The following PLD1 variants were observed in gnomAD, a reference collection of about 807,000 sequenced individuals.
PLD1 encodes choline phosphatase 1.
A neutral mutation model predicts 137.1 loss-of-function variants in PLD1; 112 were observed. That is an observed-to-expected ratio of 0.82 (90% CI 0.70 to 0.96). PLD1 has a LOEUF of 0.96. Ranked by LOEUF, PLD1 falls within the 40% of genes least tolerant of loss-of-function variation. The pLI is 0.00. For missense variants in PLD1, 1,321 were observed against 1,342.0 expected (o/e 0.98, Z 0.24); for synonymous variants, 431 against 454.7 (o/e 0.95, Z 0.66).
chr3:171,693,786 TA>T (rs553414685), intron 12 of PLD1, among the ~76,000 whole-genome samples: 151 of 152,246 alleles, frequency 9.9e-4, no homozygotes, highest in African/African-American at 3.3e-3. Context: ...TAAACCATAA[TA>T]AAAAATAATT....
intron 1 of PLD1, among the ~76,000 whole-genome samples, chr3:171,788,315 A>C (rs1274848663): frequency 7.2e-6 from 1 of 138,042 alleles, no homozygotes; most frequent in Non-Finnish European, 1.5e-5. Context: ...AACTGATGAG[A>C]TGAATGACAG....
At chr3:171,804,852 G>A (rs141369880) in intron 1 of PLD1, among the ~76,000 whole-genome samples, 302 of 152,352 alleles carry the variant, frequency 2.0e-3, no homozygotes, top group African/African-American at 5.2e-3. Context: ...TGAGATGCAA[G>A]GCTTTTTGTA....
intron 1 of PLD1, among the ~76,000 whole-genome samples, chr3:171,759,302 T>G (rs1721238111): frequency 6.6e-6 from 1 of 152,198 alleles, no homozygotes; most frequent in Non-Finnish European, 1.5e-5. Flanking sequence ...TAACTCCACC[T>G]ATAAAAGTCA....
chr3:171,805,393 C>A (rs1036796593), intron 1 of PLD1, among the ~76,000 whole-genome samples: 1 of 152,200 alleles, frequency 6.6e-6, no homozygotes, highest in African/African-American at 2.4e-5. Flanking sequence ...CCTTATTTAG[C>A]AGATTAGCTC....
chr3:171,664,966 T>C (rs535071322), intron 19 of PLD1, among the ~76,000 whole-genome samples: 2 of 152,344 alleles, frequency 1.3e-5, no homozygotes, highest in Admixed American at 6.5e-5. Context: ...ATATACAGTA[T>C]GTCCACCTCT....
At chr3:171,621,552 A>C (rs997578930) in intron 23 of PLD1, among the ~76,000 whole-genome samples, 1 of 152,102 alleles carries the variant, frequency 6.6e-6, no homozygotes, top group African/African-American at 2.4e-5. Flanking sequence ...GTTTCTATTA[A>C]GTTTGGGTAT....
At chr3:171,801,454 A>C (rs150473543) in intron 1 of PLD1, among the ~76,000 whole-genome samples, 30 of 152,344 alleles carry the variant, frequency 2.0e-4, no homozygotes, top group African/African-American at 6.7e-4. Flanking sequence ...TTTGAGACGG[A>C]GTCTCGCTCT....
intron 1 of PLD1, among the ~76,000 whole-genome samples, chr3:171,741,796 A>G (rs115604299): frequency 0.036 from 5,492 of 152,312 alleles, 146 homozygotes; most frequent in Non-Finnish European, 0.054. Context: ...CTTGATTTTC[A>G]ACAAGATTGG....
intron 24 of PLD1, among the ~76,000 whole-genome samples, chr3:171,616,315 C>A (rs1459327752): frequency 6.6e-6 from 1 of 152,108 alleles, no homozygotes; most frequent in Non-Finnish European, 1.5e-5. Flanking sequence ...TTGGATTTAT[C>A]TTTCCTTTGT....
At chr3:171,648,868 T>G (rs981379762) in intron 21 of PLD1, among the ~76,000 whole-genome samples, 3 of 152,218 alleles carry the variant, frequency 2.0e-5, no homozygotes, top group Non-Finnish European at 4.4e-5. Context: ...CATAGTTACT[T>G]TTTAAGAACA....
At chr3:171,731,804 A>C (rs1718971359) in intron 6 of PLD1, among the ~76,000 whole-genome samples, 1 of 152,036 alleles carries the variant, frequency 6.6e-6, no homozygotes, top group Non-Finnish European at 1.5e-5. Context: ...TGAGAGGAGA[A>C]TCTATTCACA....
chr3:171,646,703 T>C (rs1736254211), intron 21 of PLD1, among the ~76,000 whole-genome samples: 1 of 149,404 alleles, frequency 6.7e-6, no homozygotes, highest in South Asian at 2.1e-4. Flanking sequence ...AAAGAAAACC[T>C]AAGCTATTAA....
At chr3:171,790,213 C>A (rs1723161801) in intron 1 of PLD1, among the ~76,000 whole-genome samples, 2 of 152,236 alleles carry the variant, frequency 1.3e-5, no homozygotes. Context: ...GCTTCAGCTC[C>A]ACTCACAGGG....
intron 18 of PLD1, among the ~76,000 whole-genome samples, chr3:171,675,423 T>C (rs1218329443): frequency 6.6e-6 from 1 of 152,222 alleles, no homozygotes; most frequent in African/African-American, 2.4e-5. Flanking sequence ...ATTACCTTAT[T>C]GGATTATGGC....
intron 8 of PLD1, among the ~76,000 whole-genome samples, chr3:171,719,923 T>C: frequency 6.6e-6 from 1 of 152,212 alleles, no homozygotes; most frequent in East Asian, 1.9e-4. Flanking sequence ...GATCAGAATG[T>C]ATTTTTATGG....
At chr3:171,623,237 G>A (rs1733784016) in intron 23 of PLD1, among the ~76,000 whole-genome samples, 1 of 151,428 alleles carries the variant, frequency 6.6e-6, no homozygotes, top group Non-Finnish European at 1.5e-5. Flanking sequence ...CCTGTAGTTT[G>A]TATGGAAAAA....
At chr3:171,613,450 G>A (rs1732846750) in intron 24 of PLD1, among the ~76,000 whole-genome samples, 1 of 152,074 alleles carries the variant, frequency 6.6e-6, no homozygotes, top group Non-Finnish European at 1.5e-5. Flanking sequence ...TAAGAATCAG[G>A]CTCTCTGTAG....
chr3:171,704,721 A>G (rs1410519992), intron 11 of PLD1, among the ~76,000 whole-genome samples: 2 of 152,182 alleles, frequency 1.3e-5, no homozygotes, highest in African/African-American at 4.8e-5. Context: ...CAAACAATAA[A>G]TTCCCCAAAC....
chr3:171,707,882 G>A (rs1716820181), intron 11 of PLD1, among the ~76,000 whole-genome samples: 1 of 152,174 alleles, frequency 6.6e-6, no homozygotes, highest in Non-Finnish European at 1.5e-5. Flanking sequence ...CAAAAGATGT[G>A]TTTGCATTCT....
Sources: allele counts gnomAD v4.1 joint callset (sites outside exome capture counted in the v4.1 genomes callset), GRCh38; gene constraint gnomAD v4.1.1; transcripts MANE v1.5; gene names NCBI Gene and HGNC (gene_info 2026-07-23, HGNC 2026-07-21).